The following ADAM20 variants were observed in gnomAD, a reference collection of about 807,000 sequenced individuals.
ADAM20 encodes the protein ADAM metallopeptidase domain 20.
For synonymous variants in ADAM20, 305 were observed against 310.2 expected, an observed-to-expected ratio of 0.98 and a Z score of 0.18; for missense variants, 871 against 883.2, an observed-to-expected ratio of 0.99 and a Z score of 0.18.
the ADAM20 span, among the ~76,000 whole-genome samples, chr14:70,540,919 A>T: frequency 2.0e-5 from 3 of 152,086 alleles, no homozygotes; most frequent in African/African-American, 7.2e-5. Context: ...CAACCTCCTG[A>T]GTAGCTGGGA....
chr14:70,530,381 T>C (rs1883685636), intron 1 of ADAM20, among the ~76,000 whole-genome samples: 1 of 152,128 alleles, frequency 6.6e-6, no homozygotes, highest in Non-Finnish European at 1.5e-5. Context: ...ATGAACTGCC[T>C]GAGGCTGTTT....
In ADAM20 at chr14:70,522,498, G is replaced by A. The variant is rs971168537; in HGVS notation, c.*79C>T. On this transcript the variant is annotated 3_prime_UTR_variant, in exon 2 of 2. Transcript: ENST00000256389. ...AAGTTTTATTTAAACAGTGAGACAT[G>A]GCTTCATATTTTTCTATTAAAAAAT... is the stretch of plus-strand genomic sequence containing the variant. 21 of 1,330,226 alleles carry A rather than the reference G, an allele frequency of 1.6e-5. No homozygotes were observed. In the African/African-American group the frequency reaches 1.9e-4, roughly 12 times the overall value. 82.4% of individuals were successfully genotyped at this position (1,330,226 alleles called of 1,614,324 possible).
At chr14:70,527,749 A>G (rs967312725) in intron 1 of ADAM20, among the ~76,000 whole-genome samples, 1 of 152,142 alleles carries the variant, frequency 6.6e-6, no homozygotes, top group Non-Finnish European at 1.5e-5. Context: ...CTTAAAGTCA[A>G]TTGACTCTGC....
intron 1 of ADAM20, among the ~76,000 whole-genome samples, chr14:70,534,122 A>ACACG (rs1248868786): frequency 2.7e-5 from 4 of 149,470 alleles, no homozygotes. Flanking sequence ...ACACACACAC[A>ACACG]CACGCACACA....
chr14:70,541,014 A>C, the ADAM20 span, among the ~76,000 whole-genome samples: 3 of 152,028 alleles, frequency 2.0e-5, no homozygotes, highest in African/African-American at 7.2e-5. Context: ...GATAGTCTCG[A>C]TCTCTTGACC....
At chr14:70,559,765 C>A in the ADAM20 span, among the ~76,000 whole-genome samples, 1 of 152,134 alleles carries the variant, frequency 6.6e-6, no homozygotes, top group East Asian at 1.9e-4. Flanking sequence ...ATCTCAGGGT[C>A]TTTATTCTTG....
At chr14:70,540,211 G>A in the ADAM20 span, among the ~76,000 whole-genome samples, 1 of 152,014 alleles carries the variant, frequency 6.6e-6, no homozygotes. Context: ...CTCACCCGAA[G>A]GCCAATAATC....
At chr14:70,538,449 C>T (rs1237403728), upstream of ADAM20, among the ~76,000 whole-genome samples, 1 of 152,180 alleles carries the variant, frequency 6.6e-6, no homozygotes, top group Non-Finnish European at 1.5e-5. Flanking sequence ...AAAAAGAGTG[C>T]TCAGCTTAAT....
At chr14:70,574,834 T>C in the ADAM20 span, among the ~76,000 whole-genome samples, 5 of 151,574 alleles carry the variant, frequency 3.3e-5, no homozygotes, top group African/African-American at 1.2e-4. Context: ...CATATATATA[T>C]AATGGTATAC....
upstream of ADAM20, among the ~76,000 whole-genome samples, chr14:70,539,455 C>T (rs1464266156): frequency 2.6e-5 from 4 of 152,212 alleles, no homozygotes; most frequent in East Asian, 7.7e-4. Flanking sequence ...GGGCGCCTGT[C>T]CATGTGGATA....
At chr14:70,565,087 T>A in the ADAM20 span, among the ~76,000 whole-genome samples, 5 of 151,114 alleles carry the variant, frequency 3.3e-5, no homozygotes, top group Non-Finnish European at 5.9e-5. Flanking sequence ...TATAATTAAA[T>A]TTTTAAAATA....
the ADAM20 span, among the ~76,000 whole-genome samples, chr14:70,540,933 T>C: frequency 6.6e-6 from 1 of 152,162 alleles, no homozygotes; most frequent in Non-Finnish European, 1.5e-5. Flanking sequence ...GCTGGGACTA[T>C]TGGCACATGC....
the ADAM20 span, among the ~76,000 whole-genome samples, chr14:70,563,139 G>A: frequency 3.3e-5 from 5 of 152,066 alleles, no homozygotes; most frequent in Non-Finnish European, 7.4e-5. Flanking sequence ...TGAGTCACAT[G>A]ACCATAACTG....
At chr14:70,539,271 T>A (rs1335233146), upstream of ADAM20, among the ~76,000 whole-genome samples, 2 of 151,462 alleles carry the variant, frequency 1.3e-5, no homozygotes, top group Admixed American at 1.3e-4. Flanking sequence ...GCCAGGTTGG[T>A]CTGCCAGACG....
upstream of ADAM20, among the ~76,000 whole-genome samples, chr14:70,535,480 A>C (rs1883813546): frequency 2.0e-5 from 3 of 152,310 alleles, no homozygotes; most frequent in South Asian, 6.2e-4. Context: ...AAACATGTAA[A>C]CATTCCAAAA....
chr14:70,541,725 AAT>A, the ADAM20 span, among the ~76,000 whole-genome samples: 2 of 152,216 alleles, frequency 1.3e-5, no homozygotes, highest in African/African-American at 4.8e-5. Context: ...TATTTGTATA[AAT>A]ATGTTATTGG....
rs749169254 is a variant in ADAM20, at chr14:70,523,223, T to C, written c.1535A>G (p.Asp512Gly). The C allele has an allele frequency of 6.2e-7, 1 of 1,614,038 alleles. No individual in the cohort carries two copies. The highest frequency in any genetic ancestry group is 1.1e-5 in the South Asian group (1 of 91,086). The change falls in exon 2 of 2, where the codon GAT becomes GGT. Residue 512 changes from aspartate to glycine, a missense_variant. By Grantham distance (94) the Asp-to-Gly change is moderately conservative. Coordinates refer to ENST00000256389, the MANE Select transcript of ADAM20 (RefSeq NM_003814.5). ...GCCAAAAATCTCTTTACATTGTATA[T>C]CATGGTTATTACACGTCTTTTCATA... ...FCYEKTCNNH[D>G]IQCKEIFGQD...
At chr14:70,525,210 C>A (rs1883563408) in intron 1 of ADAM20, among the ~76,000 whole-genome samples, 1 of 151,858 alleles carries the variant, frequency 6.6e-6, no homozygotes, top group Admixed American at 6.6e-5. Flanking sequence ...GTATGTATTT[C>A]TTTTATTATT....
the ADAM20 span, among the ~76,000 whole-genome samples, chr14:70,573,919 A>G: frequency 6.6e-6 from 1 of 152,252 alleles, no homozygotes; most frequent in African/African-American, 2.4e-5. Flanking sequence ...TACCAATACA[A>G]TAACAGATTT....
Sources: gnomAD v4.1 joint callset for allele counts (sites outside exome capture counted in the v4.1 genomes callset) on GRCh38, gnomAD v4.1.1 for gene constraint, MANE v1.5 for transcripts, NCBI Gene and HGNC (gene_info 2026-07-23, HGNC 2026-07-21) for gene names.